Variants in EYS observed in about 807,000 individuals in gnomAD.
EYS encodes protein eyes shut homolog.
Under a neutral mutation model 282.1 loss-of-function variants are expected in EYS, and 250 were observed. The observed-to-expected ratio is 0.89, with a 90% CI of 0.80 to 0.98. The LOEUF (loss-of-function observed/expected upper bound fraction) is 0.98. Among genes scored for constraint, EYS ranks in the 50% least tolerant of loss-of-function variants. The pLI is 0.00. For synonymous variants in EYS, 1,355 were observed against 1,282.9 expected, an observed-to-expected ratio of 1.06 and a Z score of -1.20; for missense variants, 4,016 against 3,709.0, an observed-to-expected ratio of 1.08 and a Z score of -2.15.
chr6:64,199,011 T>A (rs978345652), intron 31 of EYS, among the ~76,000 whole-genome samples: 2 of 152,200 alleles, frequency 1.3e-5, no homozygotes, highest in African/African-American at 4.8e-5. Context: ...TTTTTAATGA[T>A]CACCATTCTA....
At chr6:64,322,141 G>A (rs2150384938) in intron 29 of EYS, among the ~76,000 whole-genome samples, 1 of 152,070 alleles carries the variant, frequency 6.6e-6, no homozygotes, top group Non-Finnish European at 1.5e-5. Flanking sequence ...TATGCAAATT[G>A]TTCATTGACA....
chr6:64,778,866 A>G (rs1773767544), intron 22 of EYS, among the ~76,000 whole-genome samples: 1 of 152,152 alleles, frequency 6.6e-6, no homozygotes, highest in Non-Finnish European at 1.5e-5. Flanking sequence ...GCTTCACCAA[A>G]TAAGATGTAC....
At chr6:64,122,533 A>G (rs935035609) in intron 31 of EYS, among the ~76,000 whole-genome samples, 1 of 152,132 alleles carries the variant, frequency 6.6e-6, no homozygotes, top group African/African-American at 2.4e-5. Context: ...CTAGAGCCAG[A>G]CTGCCTGAGT....
chr6:65,490,532 G>T, intron 5 of EYS, 62 bp downstream of exon 5: 3 of 893,242 alleles, frequency 3.4e-6, no homozygotes, highest in Non-Finnish European at 3.7e-6. Context: ...CATTTAATTT[G>T]AAATACATAG....
chr6:64,396,341 G>A (rs960336362), intron 28 of EYS, among the ~76,000 whole-genome samples: 7 of 152,026 alleles, frequency 4.6e-5, no homozygotes, highest in African/African-American at 1.7e-4. Flanking sequence ...AGTACTTAGA[G>A]TTCTATGTTC....
chr6:64,562,388 A>G (rs1381716791), intron 26 of EYS, among the ~76,000 whole-genome samples: 1 of 151,978 alleles, frequency 6.6e-6, no homozygotes, highest in Non-Finnish European at 1.5e-5. Context: ...ATTTTTAAAT[A>G]GAAGCTTAGA....
At chr6:65,392,008 A>G (rs1264011518) in intron 7 of EYS, among the ~76,000 whole-genome samples, 1 of 151,586 alleles carries the variant, frequency 6.6e-6, no homozygotes, top group African/African-American at 2.4e-5. Flanking sequence ...GCCCTCAGAA[A>G]TAACGCCGCA....
At chr6:65,050,306 A>C (rs1024311537) in intron 13 of EYS, among the ~76,000 whole-genome samples, 1 of 151,632 alleles carries the variant, frequency 6.6e-6, no homozygotes. Flanking sequence ...AGAACACAAT[A>C]CTGCTAATAA....
At chr6:65,123,852 T>C (rs909732084) in intron 12 of EYS, among the ~76,000 whole-genome samples, 8 of 151,838 alleles carry the variant, frequency 5.3e-5, no homozygotes, top group East Asian at 3.9e-4. Context: ...AATTCTGAAA[T>C]GGTGAAAACA....
chr6:65,233,178 A>G (rs1171848476), intron 12 of EYS, among the ~76,000 whole-genome samples: 1 of 152,110 alleles, frequency 6.6e-6, no homozygotes, highest in Non-Finnish European at 1.5e-5. Context: ...GGCCCCATCA[A>G]AGACAGTTTT....
At chr6:64,700,682 C>G (rs1770752153) in intron 22 of EYS, among the ~76,000 whole-genome samples, 2 of 151,886 alleles carry the variant, frequency 1.3e-5, no homozygotes, top group East Asian at 1.9e-4. Context: ...GGAATTATCT[C>G]TATAAGGAAA....
intron 33 of EYS, among the ~76,000 whole-genome samples, chr6:64,047,672 T>G (rs532183219): frequency 1.3e-5 from 2 of 152,316 alleles, no homozygotes; most frequent in Admixed American, 1.3e-4. Context: ...TTCCCTTCTA[T>G]TATTTTCATC....
At chr6:64,288,853 G>A (rs1276201115) in intron 30 of EYS, among the ~76,000 whole-genome samples, 4 of 151,876 alleles carry the variant, frequency 2.6e-5, no homozygotes, top group Admixed American at 1.3e-4. Flanking sequence ...AAACATAGTC[G>A]CTAAATCTAG....
chr6:65,536,717 C>T (rs1929330), intron 2 of EYS, among the ~76,000 whole-genome samples: 31,586 of 151,890 alleles, frequency 0.21, 3,691 homozygotes, highest in East Asian at 0.31. Flanking sequence ...GATAAGACCT[C>T]AACAAAGAAA....
At chr6:64,578,747 C>T (rs917346496) in intron 26 of EYS, among the ~76,000 whole-genome samples, 7 of 152,004 alleles carry the variant, frequency 4.6e-5, no homozygotes, top group African/African-American at 1.4e-4. Context: ...CTATGGAGTC[C>T]AGGACATGGT....
intron 37 of EYS, chr6:63,797,494 G>A (rs1412566288): frequency 6.6e-6 from 1 of 152,122 alleles, no homozygotes; most frequent in Non-Finnish European, 1.5e-5. Context: ...CTAAAATTAA[G>A]ATGACTAAAG....
chr6:64,424,066 G>C (rs1226485705), intron 28 of EYS, among the ~76,000 whole-genome samples: 1 of 146,628 alleles, frequency 6.8e-6, no homozygotes, highest in Non-Finnish European at 1.5e-5. Context: ...ATTTTAGTGA[G>C]AAAGTTCTTC....
At chr6:65,418,341 C>T (rs566605967) in intron 5 of EYS, among the ~76,000 whole-genome samples, 1 of 152,114 alleles carries the variant, frequency 6.6e-6, no homozygotes, top group East Asian at 1.9e-4. Context: ...ATATTGTCTT[C>T]CACAATGGTT....
At chr6:64,364,509 A>G (rs911184600) in intron 29 of EYS, among the ~76,000 whole-genome samples, 10 of 151,948 alleles carry the variant, frequency 6.6e-5, no homozygotes, top group African/African-American at 2.4e-4. Context: ...TGTGGTACTC[A>G]AAACAGATAA....
Sources: allele counts gnomAD v4.1 joint callset (sites outside exome capture counted in the v4.1 genomes callset), GRCh38; gene constraint gnomAD v4.1.1; transcripts MANE v1.5; gene names NCBI Gene and HGNC (gene_info 2026-07-23, HGNC 2026-07-21).